Variants in PMS2 observed in about 807,000 individuals in gnomAD.
PMS2 encodes the protein mismatch repair endonuclease PMS2.
Under a neutral mutation model 90.0 loss-of-function variants are expected in PMS2, and 69 were observed. That is an observed-to-expected ratio of 0.77 (90% CI 0.63 to 0.94). PMS2 has a LOEUF of 0.94. Ranked by LOEUF, PMS2 falls within the 40% of genes least tolerant of loss-of-function variation. The probability of loss-of-function intolerance (pLI) is 0.00; values close to 1 mark genes in which losing one functional copy is unlikely to be tolerated. For missense variants in PMS2, 966 were observed against 1,040.2 expected (o/e 0.93, Z 0.98); for synonymous variants, 332 against 375.1 (o/e 0.89, Z 1.33).
At chr7:5,978,069 G>A (rs577912390) in intron 13 of PMS2, among the ~76,000 whole-genome samples, 3 of 149,872 alleles carry the variant, frequency 2.0e-5, no homozygotes, top group Middle Eastern at 6.9e-3. Flanking sequence ...GCAGTGAGCC[G>A]AGATCGGCAC....
intron 9 of PMS2, 97 bp from the exon 10 acceptor site, chr7:5,990,052 G>A: frequency 1.2e-6 from 1 of 826,916 alleles, no homozygotes; most frequent in South Asian, 1.7e-5. Context: ...CTGTCGCCTA[G>A]GCTGGAGTGC....
intron 5 of PMS2, chr7:6,002,206 A>T (rs562761564): frequency 4.9e-4 from 192 of 389,660 alleles, no homozygotes; most frequent in Middle Eastern, 1.6e-3. Context: ...ATTTTTTTTT[A>T]AAATTTTTCA....
At chr7:5,993,683 A>G (rs1188346512) in intron 8 of PMS2, among the ~76,000 whole-genome samples, 3 of 151,394 alleles carry the variant, frequency 2.0e-5, no homozygotes, top group Non-Finnish European at 2.9e-5. Context: ...CAATGTGGTG[A>G]AACCCCGTAT....
chr7:6,003,931 A>T (rs1785404557), intron 3 of PMS2, 41 bp downstream of exon 3: 2 of 1,388,844 alleles, frequency 1.4e-6, no homozygotes, highest in East Asian at 2.3e-5. Flanking sequence ...GAGACATGTG[A>T]CCCAATTATT....
chr7:5,983,999 A>G (rs1782587049), intron 11 of PMS2, among the ~76,000 whole-genome samples: 1 of 151,844 alleles, frequency 6.6e-6, no homozygotes, highest in Non-Finnish European at 1.5e-5. Context: ...GCATGGATGT[A>G]CCATAATTTG....
chr7:5,986,829 T>G lies in PMS2; in HGVS notation c.1936A>C (p.Arg646=), dbSNP rs369582237. Residue 646 remains arginine (R), a synonymous_variant, in exon 11 of 15, where the codon AGG becomes CGG. Transcript: ENST00000265849. The part of the protein sequence containing the change: ...AQQSEGEQNY[R]KFRAKICPGE... ...GGACAAATCTTTGCCCTAAACTTCC[T>G]GTAATTCTGTTCCCCTTCACTTTGC... 4.2e-5 allele frequency: 67 copies of G among 1,613,570 alleles called. No homozygotes were observed. The highest frequency in any genetic ancestry group is 5.5e-5 in the Non-Finnish European group (65 of 1,179,796).
chr7:5,999,775 GAC>G (rs1367283365), intron 5 of PMS2, among the ~76,000 whole-genome samples: 10 of 152,110 alleles, frequency 6.6e-5, no homozygotes, highest in Admixed American at 6.6e-4. Context: ...CAGCCTCGGT[GAC>G]AGAGTGAGGC....
intron 8 of PMS2, among the ~76,000 whole-genome samples, chr7:5,993,919 C>T (rs1309907968): frequency 7.3e-6 from 1 of 137,012 alleles, no homozygotes; most frequent in Non-Finnish European, 1.6e-5. Flanking sequence ...TCAGTCTATA[C>T]TGAAAGGTGA....
chr7:5,975,934 T>G (rs1452714750), intron 14 of PMS2, among the ~76,000 whole-genome samples: 4 of 131,236 alleles, frequency 3.0e-5, no homozygotes, highest in Non-Finnish European at 6.6e-5. Context: ...TCTCTTGTCA[T>G]TTCCTGCCCC....
chr7:6,006,079 T>C, intron 1 of PMS2, 48 bp from the exon 2 acceptor site: 1 of 1,601,264 alleles, frequency 6.2e-7, no homozygotes, highest in Non-Finnish European at 8.5e-7. Flanking sequence ...AGCTATATAT[T>C]TTCATCCTGA....
chr7:6,000,201 C>T (rs777417768), intron 5 of PMS2, among the ~76,000 whole-genome samples: 3 of 151,458 alleles, frequency 2.0e-5, no homozygotes, highest in South Asian at 2.1e-4. Context: ...ACAGAAGGAC[C>T]CATCTCTACA....
chr7:5,994,033 A>ATAT, intron 8 of PMS2, among the ~76,000 whole-genome samples: 1 of 152,212 alleles, frequency 6.6e-6, no homozygotes, highest in East Asian at 1.9e-4. Context: ...CTATACACAC[A>ATAT]ACACATATAA....
chr7:5,985,482 G>C (rs1157441775), intron 11 of PMS2, among the ~76,000 whole-genome samples: 2 of 151,638 alleles, frequency 1.3e-5, no homozygotes, highest in African/African-American at 4.8e-5. Context: ...AGAAATACAG[G>C]AATGGAAAAT....
chr7:6,000,301 G>A (rs539249631), intron 5 of PMS2, among the ~76,000 whole-genome samples: 2 of 151,496 alleles, frequency 1.3e-5, no homozygotes, highest in South Asian at 4.2e-4. Context: ...TTGAGCCTGG[G>A]AGATCATGGC....
At chr7:6,008,601 A>C (rs1786159395) in intron 1 of PMS2, among the ~76,000 whole-genome samples, 1 of 152,170 alleles carries the variant, frequency 6.6e-6, no homozygotes. Flanking sequence ...AAAAAATTAA[A>C]AATAAAATAC....
rs561993366 is a variant in PMS2 at position 5,989,918 on chromosome 7, T to G, written c.1026A>C (p.Gln342His). 25 of 1,611,508 alleles carry G rather than the reference T, an allele frequency of 1.6e-5. No individual in the cohort carries two copies. Among genetic ancestry groups the G allele is most frequent in the Non-Finnish European group, 2.1e-5 (25 of 1,178,306 alleles). The part of the protein sequence containing the change: ...VDINVTPDKR[Q>H]ILLQEEKLLL... ...AAAGCTTTTCCTCTTGTAGCAAAATTTGCCTTTTATCTGGAGTAACATTGA... is the reference window on the plus strand; with the variant it reads ...AAAGCTTTTCCTCTTGTAGCAAAATGTGCCTTTTATCTGGAGTAACATTGA... Residue 342 changes from glutamine to histidine, a missense_variant, in exon 10 of 15, where the codon CAA becomes CAC. Around this residue, in one of 2 missense-constraint regions of PMS2, gnomAD observed 871 missense variants for 802.4 expected, o/e 1.09. Transcript: ENST00000265849.
intron 1 of PMS2, among the ~76,000 whole-genome samples, 194 bp downstream of exon 1, chr7:6,008,803 T>C (rs1332742589): frequency 6.6e-6 from 1 of 152,128 alleles, no homozygotes; most frequent in Non-Finnish European, 1.5e-5. Context: ...CCGAAGGAGC[T>C]TGCCTCGGCC....
At chr7:6,003,469 A>G in intron 4 of PMS2, 1 of 552,470 alleles carries the variant, frequency 1.8e-6, no homozygotes. Flanking sequence ...CTGTTTTAAT[A>G]AGGGTAACCA....
chr7:6,003,158 G>A (rs1785292439), intron 4 of PMS2, among the ~76,000 whole-genome samples: 1 of 151,752 alleles, frequency 6.6e-6, no homozygotes, highest in Admixed American at 6.6e-5. Flanking sequence ...GCCAGGAGTG[G>A]TGGTGCATGC....
Sources: gnomAD v4.1 joint callset for allele counts (sites outside exome capture counted in the v4.1 genomes callset) on GRCh38, gnomAD v4.1.1 for gene constraint, gnomAD v4.1.1 regional missense constraint, MANE v1.5 for transcripts, NCBI Gene and HGNC (gene_info 2026-07-23, HGNC 2026-07-21) for gene names.